BBX: variants seen among roughly 807,000 people sequenced by gnomAD.
The protein encoded by BBX is BBX high mobility group box domain containing.
A neutral mutation model predicts 100.2 loss-of-function variants in BBX; 30 were observed. That is an observed-to-expected ratio of 0.30 (90% CI 0.22 to 0.41). The LOEUF is 0.41. BBX is among the 10% of genes least tolerant of loss of function. BBX has a pLI of 1.00. For missense variants in BBX, 1,023 were observed against 1,129.8 expected, an observed-to-expected ratio of 0.91 and a Z score of 1.35; for synonymous variants, 376 against 388.1, an observed-to-expected ratio of 0.97 and a Z score of 0.37.
chr3:107,675,058 G>A (rs1241962161), intron 3 of BBX, among the ~76,000 whole-genome samples: 1 of 152,128 alleles, frequency 6.6e-6, no homozygotes, highest in Admixed American at 6.6e-5. Context: ...TTTATGAATT[G>A]TAAGAAATAA....
intron 2 of BBX, among the ~76,000 whole-genome samples, chr3:107,569,963 A>G (rs2051221677): frequency 6.6e-6 from 1 of 152,196 alleles, no homozygotes; most frequent in Non-Finnish European, 1.5e-5. Flanking sequence ...CCAGAGTTCC[A>G]GGGGCTCTGG....
intron 2 of BBX, among the ~76,000 whole-genome samples, chr3:107,548,182 C>G (rs549215162): frequency 3.9e-5 from 6 of 152,256 alleles, no homozygotes; most frequent in African/African-American, 1.4e-4. Context: ...GGCACTTAAC[C>G]TCTTGGATTC....
chr3:107,639,682 C>T lies in BBX; in HGVS notation c.-83-6154C>T, dbSNP rs147502251. On this transcript the variant is annotated intron_variant, in intron 2 of 17. Transcript: ENST00000325805. ...CCTTTTACTTCTCCACTTATGGAAA[C>T]TGTAGACATTCATGGTTCCACCATG... 2.6e-5 allele frequency among the ~76,000 whole-genome samples: 4 copies of T among 152,248 alleles called. No individual in the cohort carries two copies. In the East Asian group the frequency reaches 7.7e-4, roughly 29 times the overall value.
At chr3:107,795,483 T>TA (rs2069530314) in intron 15 of BBX, among the ~76,000 whole-genome samples, 1 of 152,156 alleles carries the variant, frequency 6.6e-6, no homozygotes, top group Non-Finnish European at 1.5e-5. Context: ...TCACATTACA[T>TA]ACCTTTTGCA....
chr3:107,559,828 G>A (rs1363574743), intron 2 of BBX, among the ~76,000 whole-genome samples: 1 of 151,962 alleles, frequency 6.6e-6, no homozygotes, highest in South Asian at 2.1e-4. Flanking sequence ...CTGCAGCCTC[G>A]ACCTCCCAGG....
intron 3 of BBX, among the ~76,000 whole-genome samples, chr3:107,684,861 C>G (rs1051225921): frequency 6.6e-6 from 1 of 152,120 alleles, no homozygotes; most frequent in African/African-American, 2.4e-5. Flanking sequence ...CACTTCCTGC[C>G]TTTCATCTTT....
intron 10 of BBX, among the ~76,000 whole-genome samples, chr3:107,770,234 T>C (rs1007948587): frequency 6.6e-6 from 1 of 152,214 alleles, no homozygotes; most frequent in Non-Finnish European, 1.5e-5. Context: ...CAAAATATTA[T>C]TAAGTTTGCT....
At chr3:107,583,022 G>C (rs1301884151) in intron 2 of BBX, among the ~76,000 whole-genome samples, 1 of 151,194 alleles carries the variant, frequency 6.6e-6, no homozygotes, top group African/African-American at 2.4e-5. Context: ...GTCATTAGAC[G>C]CAAGGCTGTT....
At chr3:107,532,875 A>G (rs1390475763) in intron 2 of BBX, among the ~76,000 whole-genome samples, 3 of 152,148 alleles carry the variant, frequency 2.0e-5, no homozygotes, top group Non-Finnish European at 4.4e-5. Flanking sequence ...TCTCCGGTAA[A>G]TTAATAAGCT....
At chr3:107,766,631 TA>T (rs1215829564) in intron 10 of BBX, among the ~76,000 whole-genome samples, 1 of 152,064 alleles carries the variant, frequency 6.6e-6, no homozygotes, top group East Asian at 1.9e-4. Context: ...AAATCAAAGT[TA>T]GAAAAAGCTA....
At chr3:107,682,420 C>T (rs13098734) in intron 3 of BBX, among the ~76,000 whole-genome samples, 21,584 of 151,988 alleles carry the variant, frequency 0.14, 1,939 homozygotes, top group African/African-American at 0.25. Context: ...AAACCCCTGT[C>T]GAAGGTGATA....
In BBX at chr3:107,809,690, A is replaced by G. The variant is rs2108096796; in HGVS notation, c.*4233A>G. ...ATGTATTGCTGAAAATGGGCAGTAG[A>G]AGCAAATGCTGTTGTTACATTTGAC... On this transcript the variant is annotated 3_prime_UTR_variant, in exon 18 of 18. Transcript: ENST00000325805. 1 of 152,382 alleles carries G rather than the reference A, an allele frequency of 6.6e-6. No individual in the cohort carries two copies. Among genetic ancestry groups the G allele is most frequent in the Admixed American group, 6.5e-5 (1 of 15,310 alleles). The allele number at this position is 152,382 out of a possible 1,614,324, so 9.4% of individuals were successfully genotyped here.
At chr3:107,647,805 C>T (rs1030528098) in intron 3 of BBX, among the ~76,000 whole-genome samples, 3 of 152,140 alleles carry the variant, frequency 2.0e-5, no homozygotes, top group African/African-American at 7.2e-5. Context: ...TGATTAGTCT[C>T]CTGCCACTCC....
At chr3:107,710,765 T>C (rs2061666788) in intron 4 of BBX, 143 bp downstream of exon 4, 1 of 761,318 alleles carries the variant, frequency 1.3e-6, no homozygotes. Context: ...TAGTTTACAT[T>C]TTTATTCCAA....
At chr3:107,801,416 C>T (rs2070457750) in intron 17 of BBX, 135 bp downstream of exon 17, 3 of 891,638 alleles carry the variant, frequency 3.4e-6, no homozygotes, top group Middle Eastern at 6.8e-4. Context: ...TGAGGTATTA[C>T]AAAAGCATAT....
At chr3:107,661,723 T>G (rs2058454301) in intron 3 of BBX, 1 of 259,856 alleles carries the variant, frequency 3.8e-6, no homozygotes, top group East Asian at 1.8e-4. Flanking sequence ...CTTCTGACTC[T>G]TTTGCTCCTC....
At chr3:107,565,410 ATATT>A (rs1381331811) in intron 2 of BBX, among the ~76,000 whole-genome samples, 4 of 149,914 alleles carry the variant, frequency 2.7e-5, no homozygotes, top group African/African-American at 9.8e-5. Flanking sequence ...AATTAGTCTA[ATATT>A]TATTTCACTA....
At chr3:107,804,445 T>C (rs1576902591) in intron 17 of BBX, among the ~76,000 whole-genome samples, 1 of 152,234 alleles carries the variant, frequency 6.6e-6, no homozygotes, top group Non-Finnish European at 1.5e-5. Flanking sequence ...CTAGGATTGG[T>C]AGGCCTGTTG....
At chr3:107,777,813 T>C (rs2067446582) in intron 12 of BBX, among the ~76,000 whole-genome samples, 2 of 152,178 alleles carry the variant, frequency 1.3e-5, no homozygotes, top group Non-Finnish European at 2.9e-5. Context: ...CTAGTATTAA[T>C]GCTTTTTGTT....
Sources: gnomAD v4.1 joint callset for allele counts (sites outside exome capture counted in the v4.1 genomes callset) on GRCh38, gnomAD v4.1.1 for gene constraint, MANE v1.5 for transcripts, NCBI Gene and HGNC (gene_info 2026-07-23, HGNC 2026-07-21) for gene names.